Variants in GNB4 observed in about 807,000 individuals in gnomAD.
GNB4 encodes guanine nucleotide-binding protein subunit beta-4.
GNB4 carries 28 observed loss-of-function variants against 45.2 expected under a neutral mutation model. That is an observed-to-expected ratio of 0.62 (90% CI 0.46 to 0.85). GNB4 has a LOEUF of 0.85. Ranked by LOEUF, GNB4 falls within the 40% of genes least tolerant of loss-of-function variation. The probability of loss-of-function intolerance (pLI) is 0.00; values close to 1 mark genes in which losing one functional copy is unlikely to be tolerated. For synonymous variants in GNB4, 132 were observed against 143.7 expected (o/e 0.92, Z 0.58); for missense variants, 321 against 425.4 (o/e 0.75, Z 2.16).
Position 179,415,039 on chromosome 3 carries a change from A to C in GNB4, c.276T>G (p.Ala92=). Residue 92 remains alanine (A), a synonymous_variant, in exon 6 of 10, where the codon GCT becomes GCG. Coordinates refer to ENST00000232564, the MANE Select transcript of GNB4 (RefSeq NM_021629.4). ...WDSYTTNKMH[A]IPLRSSWVMT... ...TCACCCAGGAGGACCTCAAAGGAATAGCATGCATCTGTAGGGCACACACCA... is the reference window on the plus strand; with the variant it reads ...TCACCCAGGAGGACCTCAAAGGAATCGCATGCATCTGTAGGGCACACACCA... 6.3e-7 allele frequency: 1 copy of C among 1,598,350 alleles called. No homozygotes were observed. Among genetic ancestry groups the C allele is most frequent in the East Asian group, 2.2e-5 (1 of 44,668 alleles).
the GNB4 span, among the ~76,000 whole-genome samples, chr3:179,492,396 C>G: frequency 6.6e-6 from 1 of 152,156 alleles, no homozygotes; most frequent in Non-Finnish European, 1.5e-5. Flanking sequence ...GTGCTGCATG[C>G]CAAACCCTAG....
chr3:179,399,872 T>A lies in GNB4; in HGVS notation c.*1341A>T, dbSNP rs576171846. On this transcript the variant is annotated 3_prime_UTR_variant, in exon 10 of 10. Transcript: ENST00000232564. ...TTCTATTATCAGTCATTTAGACTTA[T>A]TTGTAAAAGAGAATCCAACAGGAAA... 6.6e-6 allele frequency: 1 copy of A among 152,356 alleles called. No individual in the cohort carries two copies. Among genetic ancestry groups the A allele is most frequent in the African/African-American group, 2.4e-5 (1 of 41,588 alleles). 9.4% of individuals were successfully genotyped at this position (152,356 alleles called of 1,614,324 possible). A position where few individuals can be genotyped will look rare whatever the true frequency, so the allele number is the denominator to read the frequency against.
At position 179,422,583 on chromosome 3, in the gene GNB4, T is replaced by C. The variant is rs551349264; in HGVS notation, c.58-1656A>G. ...AATAAAAAATCTGGTAAGATATTTG[T>C]GCAAAAGAAAGATGATACATACTTT... On this transcript the variant is annotated intron_variant, in intron 2 of 9. Coordinates refer to ENST00000232564, the MANE Select transcript of GNB4 (RefSeq NM_021629.4). Among the ~76,000 whole-genome samples the C allele has an allele frequency of 1.3e-4, 20 of 152,316 alleles. No individual in the cohort carries two copies. The East Asian group carries it at 3.9e-3, about 29-fold the overall frequency.
the GNB4 span, among the ~76,000 whole-genome samples, chr3:179,498,748 G>T: frequency 3.8e-3 from 441 of 117,552 alleles, 4 homozygotes; most frequent in African/African-American, 0.013. Context: ...GTTGAGGTTT[G>T]GTTTTTTTTT....
At chr3:179,468,221 C>A in the GNB4 span, among the ~76,000 whole-genome samples, 2 of 150,740 alleles carry the variant, frequency 1.3e-5, no homozygotes, top group East Asian at 3.9e-4. Context: ...CAAGACCTGG[C>A]GCAGTGGCTC....
chr3:179,445,260 T>TA (rs1715690696), intron 1 of GNB4, among the ~76,000 whole-genome samples: 1 of 152,138 alleles, frequency 6.6e-6, no homozygotes, highest in Non-Finnish European at 1.5e-5. Context: ...GTAAGGCCTC[T>TA]AAAAAGAGTA....
At chr3:179,452,233 A>C (rs1256049140), upstream of GNB4, among the ~76,000 whole-genome samples, 1 of 145,376 alleles carries the variant, frequency 6.9e-6, no homozygotes, top group African/African-American at 2.6e-5. Flanking sequence ...TTTTTTTTTC[A>C]CATTTATCTG....
At chr3:179,513,791 G>T in the GNB4 span, among the ~76,000 whole-genome samples, 1 of 151,780 alleles carries the variant, frequency 6.6e-6, no homozygotes, top group Non-Finnish European at 1.5e-5. Context: ...CAGGAGTGGG[G>T]TAAAAATTTT....
At chr3:179,438,696 G>A (rs1715522234) in intron 1 of GNB4, among the ~76,000 whole-genome samples, 1 of 152,174 alleles carries the variant, frequency 6.6e-6, no homozygotes, top group African/African-American at 2.4e-5. Context: ...TGTTGGTAAA[G>A]GCTGTGTTTT....
chr3:179,434,330 A>AG (rs1175299185), intron 1 of GNB4, among the ~76,000 whole-genome samples: 1 of 152,174 alleles, frequency 6.6e-6, no homozygotes, highest in Non-Finnish European at 1.5e-5. Context: ...TAATATTGGG[A>AG]GGAAAAAAAA....
At chr3:179,452,155 C>G (rs559779154), upstream of GNB4, among the ~76,000 whole-genome samples, 18 of 152,058 alleles carry the variant, frequency 1.2e-4, no homozygotes, top group Admixed American at 2.6e-4. Context: ...GGAAGGCCTT[C>G]CAGATATCCC....
At chr3:179,449,439 T>A (rs1715814969) in intron 1 of GNB4, among the ~76,000 whole-genome samples, 1 of 152,190 alleles carries the variant, frequency 6.6e-6, no homozygotes. Flanking sequence ...GTCTTGGATA[T>A]TTTACACACA....
At chr3:179,486,505 TA>T in the GNB4 span, among the ~76,000 whole-genome samples, 2 of 152,152 alleles carry the variant, frequency 1.3e-5, no homozygotes, top group Non-Finnish European at 2.9e-5. Context: ...ATCTTTCAGC[TA>T]AATAAGAATA....
chr3:179,483,360 A>G, the GNB4 span, among the ~76,000 whole-genome samples: 1 of 151,962 alleles, frequency 6.6e-6, no homozygotes, highest in African/African-American at 2.4e-5. Context: ...CTATTTTATG[A>G]ATAAATTTAT....
At chr3:179,486,847 GT>G in the GNB4 span, among the ~76,000 whole-genome samples, 108 of 152,358 alleles carry the variant, frequency 7.1e-4, 1 homozygote, top group Admixed American at 5.0e-3. Context: ...TAATTACAAA[GT>G]TGTCTTGCCC....
chr3:179,444,570 G>A (rs1203417078), intron 1 of GNB4, among the ~76,000 whole-genome samples: 2 of 151,684 alleles, frequency 1.3e-5, no homozygotes, highest in South Asian at 2.1e-4. Context: ...CAGTTTCATC[G>A]GCACGGTGGC....
At chr3:179,518,911 T>C in the GNB4 span, among the ~76,000 whole-genome samples, 1 of 152,182 alleles carries the variant, frequency 6.6e-6, no homozygotes, top group South Asian at 2.1e-4. Context: ...CTCCAAAAAT[T>C]AAATTCCGGC....
intron 1 of GNB4, 28 bp from the exon 2 acceptor site, chr3:179,426,270 G>A (rs1479865412): frequency 8.7e-7 from 1 of 1,143,500 alleles, no homozygotes; most frequent in African/African-American, 1.6e-5. Context: ...GCAAGAGAAA[G>A]ATTCAGTTCT....
intron 1 of GNB4, among the ~76,000 whole-genome samples, chr3:179,443,225 T>C (rs1270618830): frequency 1.3e-5 from 2 of 152,208 alleles, no homozygotes; most frequent in African/African-American, 4.8e-5. Context: ...ATTTCTTATG[T>C]TCACAGCTTT....
Sources: allele counts gnomAD v4.1 joint callset (sites outside exome capture counted in the v4.1 genomes callset), GRCh38; gene constraint gnomAD v4.1.1; transcripts MANE v1.5; gene names NCBI Gene and HGNC (gene_info 2026-07-23, HGNC 2026-07-21).